Variants in ARHGAP8 observed in about 807,000 individuals in gnomAD.
ARHGAP8 encodes rho GTPase-activating protein 8.
ARHGAP8 carries 62 observed loss-of-function variants against 46.1 expected under a neutral mutation model. The ratio of observed to expected loss-of-function variants is 1.34; its 90% CI spans 1.10 to 1.66. The LOEUF (loss-of-function observed/expected upper bound fraction) is 1.66. ARHGAP8 is among the 40% of genes most tolerant of loss of function. ARHGAP8 has a pLI of 0.00. For missense variants in ARHGAP8, 923 were observed against 568.4 expected, an observed-to-expected ratio of 1.62 and a Z score of -6.34; for synonymous variants, 375 against 243.1, an observed-to-expected ratio of 1.54 and a Z score of -5.05.
At chr22:44,802,842 G>A (rs535393997) in intron 3 of ARHGAP8, among the ~76,000 whole-genome samples, 41 of 152,212 alleles carry the variant, frequency 2.7e-4, no homozygotes, top group Admixed American at 2.4e-3. Context: ...CACCAGCCAC[G>A]GGACTAGAGC....
intron 5 of ARHGAP8, among the ~76,000 whole-genome samples, chr22:44,817,410 TTTTG>T (rs1336015261): frequency 4.6e-5 from 7 of 152,238 alleles, no homozygotes; most frequent in Non-Finnish European, 1.0e-4. Context: ...GAAGGTGAGG[TTTTG>T]TTTGTGTTTA....
intron 1 of ARHGAP8, among the ~76,000 whole-genome samples, chr22:44,782,871 T>C (rs375410395): frequency 2.4e-4 from 36 of 152,220 alleles, no homozygotes; most frequent in African/African-American, 7.9e-4. Context: ...GGTCGTAGGT[T>C]TGGCTTTCTG....
chr22:44,854,024 CAAAAAAAAAAAAAAAAAAAAAAA>C (rs71315119), intron 10 of ARHGAP8, among the ~76,000 whole-genome samples: 13 of 43,304 alleles, frequency 3.0e-4, no homozygotes, highest in South Asian at 2.6e-3. Context: ...GACTCTGTCT[CAAAAAAAAAAAAAAAAAAAAAAA>C]AAAAAAAAAA....
chr22:44,842,228 G>A (rs575361276), intron 7 of ARHGAP8, among the ~76,000 whole-genome samples: 9 of 152,248 alleles, frequency 5.9e-5, no homozygotes, highest in East Asian at 1.9e-4. Flanking sequence ...ATGGTGGTGC[G>A]TGCCTGTAGT....
At chr22:44,840,322 T>TG (rs958931409) in intron 7 of ARHGAP8, among the ~76,000 whole-genome samples, 33 of 152,180 alleles carry the variant, frequency 2.2e-4, no homozygotes, top group Non-Finnish European at 3.8e-4. Context: ...CTGGAGGTTC[T>TG]GGGGGGTATC....
chr22:44,806,723 G>C (rs1402554488), intron 3 of ARHGAP8, among the ~76,000 whole-genome samples: 1 of 152,050 alleles, frequency 6.6e-6, no homozygotes, highest in Admixed American at 6.5e-5. Flanking sequence ...GGGAGGCCGA[G>C]GCGGGTGGAT....
intron 1 of ARHGAP8, among the ~76,000 whole-genome samples, chr22:44,755,084 T>A (rs1405258766): frequency 6.6e-6 from 1 of 152,212 alleles, no homozygotes; most frequent in African/African-American, 2.4e-5. Flanking sequence ...CACTGCACAC[T>A]TGGCTGCCTG....
chr22:44,790,102 C>T (rs1054851945), intron 2 of ARHGAP8, among the ~76,000 whole-genome samples: 1 of 152,234 alleles, frequency 6.6e-6, no homozygotes, highest in South Asian at 2.1e-4. Flanking sequence ...CTCTGGGGCA[C>T]ATTAAACATA....
At chr22:44,765,091 G>C (rs1925448186) in intron 1 of ARHGAP8, 1 of 152,348 alleles carries the variant, frequency 6.6e-6, no homozygotes, top group Admixed American at 6.5e-5. Flanking sequence ...AGAGGTGCTG[G>C]GCTCTGGGCA....
intron 1 of ARHGAP8, among the ~76,000 whole-genome samples, chr22:44,753,662 C>T (rs548172712): frequency 2.0e-5 from 3 of 152,254 alleles, no homozygotes; most frequent in African/African-American, 7.2e-5. Context: ...CACACCCTGA[C>T]TTGGAAATTT....
intron 7 of ARHGAP8, among the ~76,000 whole-genome samples, chr22:44,827,739 G>A (rs181579110): frequency 6.6e-6 from 1 of 152,274 alleles, no homozygotes; most frequent in Non-Finnish European, 1.5e-5. Context: ...TGCGAGTATA[G>A]GGGGAGGGAA....
At chr22:44,824,634 CTT>C (rs10571764) in intron 6 of ARHGAP8, among the ~76,000 whole-genome samples, 66,022 of 131,810 alleles carry the variant, frequency 0.5, 15,555 homozygotes, top group Middle Eastern at 0.56. Context: ...TTCTTCTTTT[CTT>C]TTTTTTTTTT....
chr22:44,760,117 C>T (rs1243118574), intron 1 of ARHGAP8, among the ~76,000 whole-genome samples: 1 of 152,178 alleles, frequency 6.6e-6, no homozygotes, highest in African/African-American at 2.4e-5. Context: ...ACTTCGCTGC[C>T]GCCACCTTCG....
chr22:44,773,221 G>A (rs993942110), intron 1 of ARHGAP8, among the ~76,000 whole-genome samples: 1 of 152,152 alleles, frequency 6.6e-6, no homozygotes, highest in Non-Finnish European at 1.5e-5. Flanking sequence ...TTCAGGAAAT[G>A]TGTCAAATTT....
At chr22:44,833,269 A>T (rs909161664) in intron 7 of ARHGAP8, among the ~76,000 whole-genome samples, 5 of 151,548 alleles carry the variant, frequency 3.3e-5, no homozygotes, top group Non-Finnish European at 5.9e-5. Flanking sequence ...GTTAATTTTT[A>T]AATGTGTTTA....
At chr22:44,833,525 T>G (rs1052703998) in intron 7 of ARHGAP8, among the ~76,000 whole-genome samples, 2 of 152,196 alleles carry the variant, frequency 1.3e-5, no homozygotes, top group Non-Finnish European at 2.9e-5. Flanking sequence ...ATCATTTGTG[T>G]TCATGGTGTA....
chr22:44,822,383 G>A lies in ARHGAP8; in HGVS notation c.399G>A (p.Gly133=). ...ILKPLISHKF[G]KKVIYFNYLS... ...TCTGCTTTCTTAGTCACAAGTTTGG[G>A]AAGAAAGTCATCTATTTCAACTACC... Residue 133 remains glycine, a synonymous_variant, in exon 6 of 12, where the codon GGG becomes GGA. Transcript: ENST00000356099. 1 of 1,579,158 alleles carries A rather than the reference G, an allele frequency of 6.3e-7. No individual in the cohort carries two copies. The highest frequency in any genetic ancestry group is 8.6e-7 in the Non-Finnish European group (1 of 1,167,804).
intron 1 of ARHGAP8, among the ~76,000 whole-genome samples, chr22:44,764,440 G>A (rs941785976): frequency 6.6e-6 from 1 of 152,236 alleles, no homozygotes; most frequent in South Asian, 2.1e-4. Context: ...AGGCAGGAAA[G>A]GGTCGGCTGC....
At chr22:44,833,102 T>C (rs865937990) in intron 7 of ARHGAP8, among the ~76,000 whole-genome samples, 16 of 147,044 alleles carry the variant, frequency 1.1e-4, no homozygotes, top group Admixed American at 4.7e-4. Context: ...TTTTCTTTTT[T>C]TTTTTTTTTT....
Sources: gnomAD v4.1 joint callset for allele counts (sites outside exome capture counted in the v4.1 genomes callset) on GRCh38, gnomAD v4.1.1 for gene constraint, MANE v1.5 for transcripts, NCBI Gene and HGNC (gene_info 2026-07-23, HGNC 2026-07-21) for gene names.